DSCAM: variants seen among roughly 807,000 people sequenced by gnomAD.
DSCAM encodes the protein cell adhesion molecule DSCAM.
A neutral mutation model predicts 217.7 loss-of-function variants in DSCAM; 47 were observed. The ratio of observed to expected loss-of-function variants is 0.22; its 90% confidence interval spans 0.17 to 0.28. The LOEUF (loss-of-function observed/expected upper bound fraction) is 0.28, where lower values mean the gene tolerates loss of function less well. Among genes scored for constraint, DSCAM ranks in the 10% least tolerant of loss-of-function variants. DSCAM has a pLI of 1.00. For missense variants in DSCAM, 2,080 were observed against 2,618.3 expected, an observed-to-expected ratio of 0.79 and a Z score of 4.49; for synonymous variants, 1,056 against 1,015.3, an observed-to-expected ratio of 1.04 and a Z score of -0.76.
intron 11 of DSCAM, among the ~76,000 whole-genome samples, chr21:40,192,576 T>C (rs2090963416): frequency 6.6e-6 from 1 of 152,218 alleles, no homozygotes; most frequent in Non-Finnish European, 1.5e-5. Flanking sequence ...CTTTATAAAT[T>C]ACCCAGTCTC....
At chr21:40,695,530 A>G (rs534819508) in intron 2 of DSCAM, among the ~76,000 whole-genome samples, 7 of 152,344 alleles carry the variant, frequency 4.6e-5, no homozygotes, top group African/African-American at 1.7e-4. Context: ...TTCTCAAAGC[A>G]GGGACAGCAC....
At chr21:40,061,592 G>A (rs28668672) in intron 28 of DSCAM, among the ~76,000 whole-genome samples, 4 of 121,058 alleles carry the variant, frequency 3.3e-5, no homozygotes, top group African/African-American at 5.6e-5. Flanking sequence ...AAAAGAAAAA[G>A]GAAAAGACTT....
intron 32 of DSCAM, among the ~76,000 whole-genome samples, chr21:40,032,987 G>T (rs532616192): frequency 2.0e-5 from 3 of 152,156 alleles, no homozygotes; most frequent in Admixed American, 2.0e-4. Flanking sequence ...GAGGAAGAAG[G>T]CTACCCCAAA....
chr21:40,435,690 G>C (rs2075576690), intron 3 of DSCAM, among the ~76,000 whole-genome samples: 1 of 152,160 alleles, frequency 6.6e-6, no homozygotes, highest in South Asian at 2.1e-4. Flanking sequence ...AATCAGCTGA[G>C]CATATTTGTG....
chr21:40,367,005 A>C (rs980080029), intron 4 of DSCAM, among the ~76,000 whole-genome samples: 2 of 152,098 alleles, frequency 1.3e-5, no homozygotes, highest in African/African-American at 4.8e-5. Context: ...TTGATTTCTA[A>C]ATTGAGCCGT....
intron 3 of DSCAM, among the ~76,000 whole-genome samples, chr21:40,640,875 C>A (rs1288905221): frequency 6.6e-6 from 1 of 152,040 alleles, no homozygotes; most frequent in African/African-American, 2.4e-5. Context: ...CACCAGGGGA[C>A]AATGAGATGT....
chr21:40,413,994 C>T (rs921718595), intron 3 of DSCAM, among the ~76,000 whole-genome samples: 1 of 152,040 alleles, frequency 6.6e-6, no homozygotes, highest in Non-Finnish European at 1.5e-5. Flanking sequence ...GCTCATAGAC[C>T]TAAATGTAAG....
intron 1 of DSCAM, among the ~76,000 whole-genome samples, chr21:40,800,519 G>A (rs574597571): frequency 6.6e-6 from 1 of 152,202 alleles, no homozygotes; most frequent in South Asian, 2.1e-4. Flanking sequence ...GCCAGTAAAG[G>A]CCATTCTGAT....
Position 40,170,416 on chromosome 21 carries a change from TC to T in DSCAM, c.2948-3129del, listed in dbSNP as rs1311697719. 2.0e-5 allele frequency among the ~76,000 whole-genome samples: 3 copies of T among 152,198 alleles called. No individual in the cohort carries two copies. In the East Asian group the frequency reaches 5.8e-4, roughly 29 times the overall value. On this transcript the variant is annotated intron_variant, in intron 15 of 32. Coordinates refer to ENST00000400454, the MANE Select transcript of DSCAM (RefSeq NM_001389.5). ...CTGAAATGCTGAGCATGCATCCCTCTCCTCAGCAGGTCCAGGGACAGCTGGC... is the reference window on the plus strand; with the variant it reads ...CTGAAATGCTGAGCATGCATCCCTCTCTCAGCAGGTCCAGGGACAGCTGGC...
intron 8 of DSCAM, among the ~76,000 whole-genome samples, chr21:40,317,717 G>C (rs2074214455): frequency 6.6e-6 from 1 of 152,026 alleles, no homozygotes; most frequent in Admixed American, 6.5e-5. Flanking sequence ...ATTTTTAGTA[G>C]AGACGGGGTT....
At chr21:40,481,323 A>T (rs1410855496) in intron 3 of DSCAM, among the ~76,000 whole-genome samples, 1 of 152,022 alleles carries the variant, frequency 6.6e-6, no homozygotes, top group Non-Finnish European at 1.5e-5. Flanking sequence ...CCCCGTCTCT[A>T]CTAAGAATAC....
At chr21:40,764,304 C>T (rs867242198) in intron 1 of DSCAM, among the ~76,000 whole-genome samples, 1 of 140,632 alleles carries the variant, frequency 7.1e-6, no homozygotes, top group South Asian at 2.3e-4. Context: ...AGACACTTCT[C>T]AAAAGAAGAT....
intron 1 of DSCAM, among the ~76,000 whole-genome samples, chr21:40,830,199 C>T (rs2092001465): frequency 6.6e-6 from 1 of 152,150 alleles, no homozygotes; most frequent in African/African-American, 2.4e-5. Flanking sequence ...CCTCAAGAAG[C>T]TTACACTCAT....
chr21:40,128,664 C>T (rs981160502), intron 19 of DSCAM, among the ~76,000 whole-genome samples: 28 of 149,070 alleles, frequency 1.9e-4, no homozygotes, highest in African/African-American at 6.2e-4. Context: ...AACAGGCAGC[C>T]TCTGGAAGCT....
intron 3 of DSCAM, among the ~76,000 whole-genome samples, chr21:40,667,560 C>A (rs2142127): frequency 0.47 from 71,804 of 152,018 alleles, 17,328 homozygotes; most frequent in African/African-American, 0.56. Flanking sequence ...TCCTCACCAA[C>A]ATCTCATCTT....
chr21:40,487,322 TGTGTGA>T (rs1555844562), intron 3 of DSCAM, among the ~76,000 whole-genome samples: 39,546 of 136,938 alleles, frequency 0.29, 5,309 homozygotes, highest in African/African-American at 0.37. Context: ...TGTGTGTGTG[TGTGTGA>T]GAGAGAGAGA....
chr21:40,360,161 T>C (rs2074745059), intron 4 of DSCAM, among the ~76,000 whole-genome samples: 1 of 120,750 alleles, frequency 8.3e-6, no homozygotes, highest in African/African-American at 3.1e-5. Context: ...AGACAGAGTC[T>C]CGCTCAGTTG....
At chr21:40,047,605 T>C (rs962157848) in intron 30 of DSCAM, among the ~76,000 whole-genome samples, 1 of 152,206 alleles carries the variant, frequency 6.6e-6, no homozygotes. Flanking sequence ...TTACAGAACA[T>C]GTCATGCGTA....
chr21:40,147,981 T>A (rs1168986069), intron 16 of DSCAM, among the ~76,000 whole-genome samples: 1 of 152,208 alleles, frequency 6.6e-6, no homozygotes, highest in Non-Finnish European at 1.5e-5. Context: ...ACCATCTTAT[T>A]TTTTAAGTCC....
Sources: gnomAD v4.1 joint callset for allele counts (sites outside exome capture counted in the v4.1 genomes callset) on GRCh38, gnomAD v4.1.1 for gene constraint, MANE v1.5 for transcripts, NCBI Gene and HGNC (gene_info 2026-07-23, HGNC 2026-07-21) for gene names.